Variants in AMPD3 observed in about 807,000 individuals in gnomAD.
AMPD3 encodes the protein AMP deaminase 3.
Under a neutral mutation model 82.3 loss-of-function variants are expected in AMPD3, and 57 were observed. The ratio of observed to expected loss-of-function variants is 0.69; its 90% CI spans 0.56 to 0.86. The LOEUF (loss-of-function observed/expected upper bound fraction) is 0.86. Ranked by LOEUF, AMPD3 falls within the 40% of genes least tolerant of loss-of-function variation. AMPD3 has a pLI of 0.00. For missense variants in AMPD3, 870 were observed against 1,003.8 expected, an observed-to-expected ratio of 0.87 and a Z score of 1.80; for synonymous variants, 381 against 394.7, an observed-to-expected ratio of 0.97 and a Z score of 0.41.
chr11:10,486,343 GT>G (rs2133900998), intron 5 of AMPD3, among the ~76,000 whole-genome samples: 1 of 152,326 alleles, frequency 6.6e-6, no homozygotes, highest in South Asian at 2.1e-4. Context: ...GGAAGCTGCT[GT>G]TTGTTTTGGG....
chr11:10,500,135 TG>T lies in AMPD3; in HGVS notation c.1608del (p.Met536IlefsTer43). The T allele has an allele frequency of 6.2e-7, 1 of 1,614,076 alleles. No individual in the cohort carries two copies. The highest frequency in any genetic ancestry group is 8.5e-7 in the Non-Finnish European group (1 of 1,179,940). ...GATGAGTCCAAGCACAGCGACCACATGTTTTCCGACAAGAGCCCAAACCCGG... is the reference window on the plus strand; with the variant it reads ...GATGAGTCCAAGCACAGCGACCACATTTTTCCGACAAGAGCCCAAACCCGG... ...VDDESKHSDHMFSDKSPNPDV... is the reference protein window; with the variant it reads ...VDDESKHSDHXFSDKSPNPDV... On this transcript the variant is annotated frameshift_variant, in exon 11 of 15. Transcript: ENST00000396553. LOFTEE classifies it high-confidence loss of function.
At chr11:10,495,078 A>T in intron 8 of AMPD3, 48 bp downstream of exon 8, 5 of 1,613,306 alleles carry the variant, frequency 3.1e-6, no homozygotes, top group Non-Finnish European at 4.2e-6. Flanking sequence ...GCCTCCCAAC[A>T]TCTGCCTTCA....
At chr11:10,459,095 G>A (rs1019201334) in intron 1 of AMPD3, among the ~76,000 whole-genome samples, 2 of 152,160 alleles carry the variant, frequency 1.3e-5, no homozygotes, top group Non-Finnish European at 2.9e-5. Context: ...AATCCCCACA[G>A]GCAGCTCTGT....
intron 2 of AMPD3, among the ~76,000 whole-genome samples, chr11:10,469,154 GA>G (rs1848508176): frequency 1.3e-5 from 2 of 150,874 alleles, no homozygotes; most frequent in Non-Finnish European, 3.0e-5. Flanking sequence ...GAGCAGAACC[GA>G]AGGAGATAGA....
intron 1 of AMPD3, among the ~76,000 whole-genome samples, chr11:10,459,917 C>T (rs1383343214): frequency 6.6e-6 from 1 of 151,658 alleles, no homozygotes; most frequent in Non-Finnish European, 1.5e-5. Context: ...AAAAGTGTGA[C>T]CCTGGGCATG....
chr11:10,504,067 C>T lies in AMPD3; in HGVS notation c.2017-482C>T, dbSNP rs1244813502. 4 of 963,548 alleles carry T rather than the reference C, an allele frequency of 4.2e-6. No individual in the cohort carries two copies. The African/African-American group carries it at 7.0e-5, about 17-fold the overall frequency. The allele number at this position is 963,548 out of a possible 1,614,324, so 59.7% of individuals were successfully genotyped here. ...CATTTTACCACTTATCCTATGATCA[C>T]TTCTCATTTTTTTTTTGATGTTCCA... On this transcript the variant is annotated intron_variant, in intron 13 of 14. Coordinates refer to ENST00000396553, the MANE Select transcript of AMPD3 (RefSeq NM_001025389.2).
intron 3 of AMPD3, 79 bp downstream of exon 3, chr11:10,478,809 C>T (rs999536282): frequency 1.1e-5 from 16 of 1,454,140 alleles, no homozygotes; most frequent in African/African-American, 1.4e-5. Context: ...TCGTGCCTCC[C>T]TCTGGAGCCT....
At chr11:10,500,634 CA>C in intron 11 of AMPD3, 1 of 985,454 alleles carries the variant, frequency 1.0e-6, no homozygotes, top group South Asian at 4.7e-5. Context: ...CATGCACGGT[CA>C]CTTACTGCCA....
chr11:10,472,516 G>A (rs762961977), intron 2 of AMPD3, among the ~76,000 whole-genome samples: 18 of 152,080 alleles, frequency 1.2e-4, no homozygotes, highest in Non-Finnish European at 2.1e-4. Context: ...TAGGACAGCC[G>A]CTTCCCTAGA....
chr11:10,474,044 C>G (rs1298858108), intron 2 of AMPD3, among the ~76,000 whole-genome samples: 1 of 152,208 alleles, frequency 6.6e-6, no homozygotes, highest in Admixed American at 6.5e-5. Context: ...CATTGCTCCA[C>G]TGCTCCCACC....
intron 4 of AMPD3, among the ~76,000 whole-genome samples, chr11:10,482,890 G>A (rs1001652951): frequency 3.9e-5 from 6 of 152,096 alleles, no homozygotes; most frequent in African/African-American, 1.2e-4. Flanking sequence ...AGGGTGGATC[G>A]GGGTGGGAGT....
chr11:10,494,697 G>A (rs117214714), intron 7 of AMPD3: 87 of 985,420 alleles, frequency 8.8e-5, no homozygotes, highest in Non-Finnish European at 1.0e-4. Context: ...TTCACAGGGG[G>A]CCTTGCCAAA....
intron 9 of AMPD3, 112 bp from the exon 10 acceptor site, chr11:10,496,700 T>A: frequency 6.4e-7 from 1 of 1,564,592 alleles, no homozygotes; most frequent in Non-Finnish European, 8.7e-7. Flanking sequence ...CTGACTTGAT[T>A]CTGGGTGTTT....
intron 8 of AMPD3, 168 bp from the exon 9 acceptor site, chr11:10,495,402 G>A (rs1206628508): frequency 1.0e-6 from 1 of 984,422 alleles, no homozygotes; most frequent in Non-Finnish European, 1.2e-6. Flanking sequence ...CTCTCCTAAA[G>A]TGGAACAAGA....
Position 10,456,502 on chromosome 11 carries a change from A to C in AMPD3, c.-6+1054A>C. On this transcript the variant is annotated intron_variant, in intron 1 of 14. Coordinates refer to ENST00000396553, the MANE Select transcript of AMPD3 (RefSeq NM_001025389.2). This position sits in a 1 kb window ranked among gnomAD's most constrained non-coding sequence, Gnocchi z 4.3. ...CAGTGGCACTGGGCTTCCTTTCTGG[A>C]GGGACTGTGGCACCATGAAAAGTTA... The C allele has an allele frequency of 6.2e-7, 1 of 1,612,782 alleles. No homozygotes were observed.
Position 10,478,682 on chromosome 11 carries a change from C to G in AMPD3, c.378C>G (p.Ala126=). Residue 126 remains alanine, a synonymous_variant, in exon 3 of 15, where the codon GCC becomes GCG. Transcript: ENST00000396553. The stretch of plus-strand genomic sequence containing the variant: ...CCCTGCCCACGCCAGCACCCTATGC[C>G]ATGCCTGAGTTCCAGCGGGTCACCA... ...ATSLPTPAPY[A]MPEFQRVTIS... is the part of the protein sequence containing the mutation. 1 of 1,614,176 alleles carries G rather than the reference C, an allele frequency of 6.2e-7. No individual in the cohort carries two copies. Among genetic ancestry groups the G allele is most frequent in the Admixed American group, 1.7e-5 (1 of 60,034 alleles).
intron 2 of AMPD3, among the ~76,000 whole-genome samples, chr11:10,469,902 TAGTGGCGGGCGC>T (rs770486036): frequency 0.016 from 2,375 of 151,024 alleles, 67 homozygotes; most frequent in African/African-American, 0.051. Context: ...TAGCCGGGCG[TAGTGGCGGGCGC>T]CTGTAGTCCC....
At chr11:10,488,095 T>C (rs1849129676) in intron 6 of AMPD3, 1 of 440,512 alleles carries the variant, frequency 2.3e-6, no homozygotes, top group Non-Finnish European at 3.0e-6. Context: ...AAGCCTCTGA[T>C]ATGCTCAGAT....
At chr11:10,496,561 C>T (rs2133928078) in intron 9 of AMPD3, 6 of 985,038 alleles carry the variant, frequency 6.1e-6, no homozygotes, top group Non-Finnish European at 7.2e-6. Flanking sequence ...CATCCCATTC[C>T]TAGTGGCTTC....
Sources: gnomAD v4.1 joint callset for allele counts (sites outside exome capture counted in the v4.1 genomes callset) on GRCh38, gnomAD v4.1.1 for gene constraint, Gnocchi (gnomAD v3.1) non-coding constraint, MANE v1.5 for transcripts, NCBI Gene and HGNC (gene_info 2026-07-23, HGNC 2026-07-21) for gene names.